CSMD1: variants seen among roughly 807,000 people sequenced by gnomAD.
The protein encoded by CSMD1 is CUB and Sushi multiple domains 1, also known as CUB and sushi domain-containing protein 1.
A neutral mutation model predicts 417.5 loss-of-function variants in CSMD1; 213 were observed. The ratio of observed to expected loss-of-function variants is 0.51; its 90% CI spans 0.46 to 0.57. The LOEUF is 0.57. Ranked by LOEUF, CSMD1 falls within the 20% of genes least tolerant of loss-of-function variation. The probability of loss-of-function intolerance (pLI) is 0.00; values close to 1 mark genes in which losing one functional copy is unlikely to be tolerated. For missense variants in CSMD1, 6,923 were observed against 4,529.7 expected (o/e 1.53, Z -15.17); for synonymous variants, 2,862 against 1,736.8 (o/e 1.65, Z -16.11).
At chr8:4,646,201 C>CT (rs1275748899) in intron 1 of CSMD1, among the ~76,000 whole-genome samples, 1 of 152,150 alleles carries the variant, frequency 6.6e-6, no homozygotes, top group African/African-American at 2.4e-5. Context: ...TTCTCTTCCT[C>CT]TATGCATGGT....
intron 36 of CSMD1, among the ~76,000 whole-genome samples, chr8:3,185,460 T>C (rs1308324918): frequency 6.6e-6 from 1 of 152,208 alleles, no homozygotes; most frequent in East Asian, 1.9e-4. Context: ...CTGCTGGTAA[T>C]GCCTGCATTT....
At chr8:3,845,360 A>G (rs1803431473) in intron 5 of CSMD1, among the ~76,000 whole-genome samples, 1 of 152,204 alleles carries the variant, frequency 6.6e-6, no homozygotes, top group Non-Finnish European at 1.5e-5. Flanking sequence ...CCTGGACCAC[A>G]CACCTGTACT....
At position 3,409,474 on chromosome 8, in the gene CSMD1, T is replaced by C. The variant is rs768300996; in HGVS notation, c.1693A>G (p.Ile565Val). 3.7e-6 allele frequency: 6 copies of C among 1,611,654 alleles called. No individual in the cohort carries two copies. The highest frequency in any genetic ancestry group is 2.2e-5 in the East Asian group (1 of 44,780). ...CACTGATTGTTCTGCTGACAGGTGA[T>C]AACTCTCTCCCCCACCAGCTCAAAG... ...AAFELVGERV[I>V]TCQQNNQWSG... is the part of the protein sequence containing the mutation. The change falls in exon 13 of 70, where the codon ATC becomes GTC. Residue 565 changes from isoleucine (I) to valine (V), a missense_variant. By Grantham distance (29) the Ile-to-Val change is conservative (BLOSUM62 3). Transcript: ENST00000635120.
At chr8:3,478,688 G>C (rs147580958) in intron 11 of CSMD1, among the ~76,000 whole-genome samples, 1 of 152,064 alleles carries the variant, frequency 6.6e-6, no homozygotes, top group African/African-American at 2.4e-5. Flanking sequence ...ACTGTGACCC[G>C]TCTGACTACC....
intron 17 of CSMD1, among the ~76,000 whole-genome samples, chr8:3,387,905 T>A (rs1453973762): frequency 2.0e-5 from 3 of 152,246 alleles, no homozygotes; most frequent in Non-Finnish European, 2.9e-5. Flanking sequence ...TACCAGATAT[T>A]ATCTACATAC....
At chr8:4,591,877 C>T (rs2724983) in intron 2 of CSMD1, among the ~76,000 whole-genome samples, 86,067 of 151,774 alleles carry the variant, frequency 0.57, 26,359 homozygotes, top group African/African-American at 0.82. Flanking sequence ...ACCAAGGGAC[C>T]GGTGGGGAGG....
At chr8:4,311,613 C>A (rs1798577056) in intron 3 of CSMD1, among the ~76,000 whole-genome samples, 1 of 150,688 alleles carries the variant, frequency 6.6e-6, no homozygotes, top group African/African-American at 2.4e-5. Context: ...GTCCCAGCTA[C>A]TTGGGAAGCT....
At chr8:3,840,282 C>A (rs1055874988) in intron 5 of CSMD1, among the ~76,000 whole-genome samples, 3 of 152,058 alleles carry the variant, frequency 2.0e-5, no homozygotes, top group Non-Finnish European at 4.4e-5. Flanking sequence ...TCAAGAATGG[C>A]AAAGCTCACG....
At chr8:4,708,976 C>T (rs184332246) in intron 1 of CSMD1, among the ~76,000 whole-genome samples, 1 of 152,248 alleles carries the variant, frequency 6.6e-6, no homozygotes, top group African/African-American at 2.4e-5. Flanking sequence ...CTGCTGATAC[C>T]TCGATCTTGG....
At chr8:4,890,735 G>A (rs1384186578) in intron 1 of CSMD1, among the ~76,000 whole-genome samples, 1 of 152,138 alleles carries the variant, frequency 6.6e-6, no homozygotes, top group African/African-American at 2.4e-5. Flanking sequence ...AAGTAATTGC[G>A]GTGTTTGCAA....
At chr8:4,101,188 T>C (rs11775651) in intron 3 of CSMD1, among the ~76,000 whole-genome samples, 13,905 of 152,288 alleles carry the variant, frequency 0.091, 726 homozygotes, top group Middle Eastern at 0.19. Context: ...AATACATCTA[T>C]ATGCCTACAT....
intron 5 of CSMD1, among the ~76,000 whole-genome samples, chr8:3,910,800 C>T (rs187506489): frequency 1.3e-5 from 2 of 152,112 alleles, no homozygotes; most frequent in African/African-American, 4.8e-5. Flanking sequence ...ACAAATATAA[C>T]TTGTTATTGG....
At chr8:4,096,687 T>C (rs1267334333) in intron 3 of CSMD1, among the ~76,000 whole-genome samples, 3 of 152,210 alleles carry the variant, frequency 2.0e-5, no homozygotes, top group African/African-American at 7.2e-5. Flanking sequence ...ATTCAGACTT[T>C]CCAAAAGCGT....
chr8:2,942,381 C>T, intron 69 of CSMD1, 91 bp downstream of exon 69: 4 of 1,024,880 alleles, frequency 3.9e-6, no homozygotes, highest in Non-Finnish European at 5.5e-6. Context: ...ATATAAAATA[C>T]ATGTGCATGT....
rs190104518 is a variant in CSMD1 at position 4,702,785 on chromosome 8, G to A, written c.86-65227C>T. 2.7e-3 allele frequency among the ~76,000 whole-genome samples: 408 copies of A among 152,208 alleles called. 5 individuals are homozygous for A. The highest frequency in any genetic ancestry group is 9.5e-3 in the African/African-American group (396 of 41,536). On this transcript the variant is annotated intron_variant, in intron 1 of 69. Transcript: ENST00000635120. ...GCATCCTTTTGCGGGAAAATGTTAG[G>A]TAGCAAAATAAATAATAATAGCGGG...
chr8:4,664,810 G>C (rs1766197423), intron 1 of CSMD1, among the ~76,000 whole-genome samples: 2 of 151,836 alleles, frequency 1.3e-5, no homozygotes, highest in South Asian at 4.1e-4. Context: ...TTATGGTGAG[G>C]GAAAATCTTC....
At chr8:4,215,156 C>T (rs532223282) in intron 3 of CSMD1, among the ~76,000 whole-genome samples, 24 of 152,294 alleles carry the variant, frequency 1.6e-4, no homozygotes, top group African/African-American at 5.1e-4. Flanking sequence ...GGACGCATCC[C>T]AAACAGGGGC....
intron 4 of CSMD1, among the ~76,000 whole-genome samples, chr8:4,024,151 C>T (rs183727668): frequency 5.3e-4 from 80 of 152,070 alleles, no homozygotes; most frequent in East Asian, 9.7e-4. Flanking sequence ...AGAAATACAG[C>T]ATAAAGAATC....
chr8:4,561,947 C>T (rs138700239), intron 2 of CSMD1, among the ~76,000 whole-genome samples: 4 of 152,300 alleles, frequency 2.6e-5, no homozygotes, highest in Non-Finnish European at 4.4e-5. Flanking sequence ...TAGACACTGC[C>T]AGCCCCTCAC....
Sources: gnomAD v4.1 joint callset for allele counts (sites outside exome capture counted in the v4.1 genomes callset) on GRCh38, gnomAD v4.1.1 for gene constraint, MANE v1.5 for transcripts, NCBI Gene and HGNC (gene_info 2026-07-23, HGNC 2026-07-21) for gene names.